The following AAR2 variants were observed in gnomAD, a reference collection of about 807,000 sequenced individuals.
The protein encoded by AAR2 is AAR2 splicing factor, also known as protein AAR2 homolog.
Under a neutral mutation model 26.9 loss-of-function variants are expected in AAR2, and 31 were observed. That is an observed-to-expected ratio of 1.15 (90% CI 0.86 to 1.55). The LOEUF (loss-of-function observed/expected upper bound fraction) is 1.55, where lower values mean the gene tolerates loss of function less well. Among genes scored for constraint, AAR2 ranks in the 40% most tolerant of loss-of-function variants. The probability of loss-of-function intolerance (pLI) is 0.00; values close to 1 mark genes in which losing one functional copy is unlikely to be tolerated. For missense variants in AAR2, 430 were observed against 491.3 expected, an observed-to-expected ratio of 0.88 and a Z score of 1.18; for synonymous variants, 188 against 196.1, an observed-to-expected ratio of 0.96 and a Z score of 0.34.
chr20:36,253,364 C>T (rs1253572987), intron 3 of AAR2, among the ~76,000 whole-genome samples: 1 of 152,120 alleles, frequency 6.6e-6, no homozygotes, highest in African/African-American at 2.4e-5. Context: ...TCTGGGTGGG[C>T]CTGTAGGGTA....
rs2064668778 is a variant in AAR2, at chr20:36,240,483, G to A, written c.615G>A (p.Glu205=). 8.1e-6 allele frequency: 13 copies of A among 1,614,192 alleles called. No individual in the cohort carries two copies. The South Asian group carries it at 1.4e-4, about 18-fold the overall frequency. ...AGATGAAGCCCAGAGCCGGGACAGA[G>A]ATCCGCTTCTCAGAGCTGCCCACGC... The part of the protein sequence containing the change: ...LPEMKPRAGT[E]IRFSELPTQM... The change falls in exon 2 of 4, where the codon GAG becomes GAA. Residue 205 remains glutamate, a synonymous_variant. Transcript: ENST00000320849.
intron 1 of AAR2, among the ~76,000 whole-genome samples, chr20:36,238,036 G>A (rs1025448522): frequency 7.9e-5 from 12 of 151,762 alleles, no homozygotes; most frequent in Non-Finnish European, 1.2e-4. Flanking sequence ...CATCCGCCTC[G>A]GCCTCCCAAA....
chr20:36,255,494 C>G (rs146596081), intron 3 of AAR2, 84 bp from the exon 4 acceptor site: 1 of 1,513,360 alleles, frequency 6.6e-7, no homozygotes, highest in East Asian at 2.3e-5. Flanking sequence ...CCAGAAGAGC[C>G]GAACACCATG....
At chr20:36,251,395 G>C (rs1011807759) in intron 3 of AAR2, among the ~76,000 whole-genome samples, 2 of 152,002 alleles carry the variant, frequency 1.3e-5, no homozygotes, top group African/African-American at 2.4e-5. Context: ...AAAATTAATT[G>C]TGTGTAAGTT....
chr20:36,248,129 A>T (rs916808805), intron 3 of AAR2, among the ~76,000 whole-genome samples: 1 of 152,062 alleles, frequency 6.6e-6, no homozygotes, highest in Non-Finnish European at 1.5e-5. Context: ...CTCTCTGTCA[A>T]GCCATCCCTC....
intron 3 of AAR2, among the ~76,000 whole-genome samples, chr20:36,251,905 C>T (rs1438310627): frequency 6.6e-6 from 1 of 152,200 alleles, no homozygotes; most frequent in Non-Finnish European, 1.5e-5. Flanking sequence ...TGGCCATTGC[C>T]AAGTGCAGGG....
At chr20:36,239,278 G>A (rs1339921718) in intron 1 of AAR2, among the ~76,000 whole-genome samples, 1 of 152,206 alleles carries the variant, frequency 6.6e-6, no homozygotes, top group Non-Finnish European at 1.5e-5. Flanking sequence ...TTTAGATGCT[G>A]AGCCTCCACT....
chr20:36,255,674 G>C lies in AAR2; in HGVS notation c.1084G>C (p.Asp362His). The C allele has an allele frequency of 6.2e-7, 1 of 1,614,186 alleles. No homozygotes were observed. The highest frequency in any genetic ancestry group is 1.7e-5 in the Admixed American group (1 of 60,026). The change falls in exon 4 of 4, where the codon GAC becomes CAC. Residue 362 changes from aspartate to histidine, a missense_variant. Physicochemically the swap from Asp to His is moderately conservative, Grantham distance 81. Transcript: ENST00000320849. ...QAHLTKKFRWDFAAEPEDCAP... is the reference protein window; with the variant it reads ...QAHLTKKFRWHFAAEPEDCAP... ...TCACCTGACCAAGAAGTTCCGGTGG[G>C]ACTTTGCTGCGGAACCTGAGGACTG...
At chr20:36,254,461 G>A (rs764299216) in intron 3 of AAR2, among the ~76,000 whole-genome samples, 29 of 149,054 alleles carry the variant, frequency 1.9e-4, no homozygotes, top group Admixed American at 4.0e-4. Flanking sequence ...AGGGGGATAG[G>A]GTAGTCGAAT....
chr20:36,237,927 C>T (rs1006200735), intron 1 of AAR2, among the ~76,000 whole-genome samples: 9 of 151,778 alleles, frequency 5.9e-5, no homozygotes, highest in East Asian at 5.8e-4. Context: ...GGACTACTGG[C>T]GCACACCACC....
At chr20:36,252,229 T>C (rs77451048) in intron 3 of AAR2, among the ~76,000 whole-genome samples, 3,601 of 152,284 alleles carry the variant, frequency 0.024, 172 homozygotes, top group African/African-American at 0.082. Flanking sequence ...AGCATCACCA[T>C]ATCACTATTG....
intron 3 of AAR2, among the ~76,000 whole-genome samples, chr20:36,250,467 G>A (rs199679859): frequency 3.3e-5 from 5 of 152,164 alleles, no homozygotes; most frequent in South Asian, 2.1e-4. Context: ...TGAAGAAGGC[G>A]TAAAATTAAT....
chr20:36,252,555 G>T (rs1034991055), intron 3 of AAR2, among the ~76,000 whole-genome samples: 1 of 152,172 alleles, frequency 6.6e-6, no homozygotes, highest in African/African-American at 2.4e-5. Flanking sequence ...AGCTGAGCCT[G>T]AGTCTTTAGG....
At chr20:36,245,824 C>G (rs926940413) in intron 3 of AAR2, among the ~76,000 whole-genome samples, 3 of 152,072 alleles carry the variant, frequency 2.0e-5, no homozygotes, top group African/African-American at 7.2e-5. Flanking sequence ...AATTAAAGAC[C>G]AGCTTGGGCA....
chr20:36,241,769 G>T (rs2147288093), intron 2 of AAR2, among the ~76,000 whole-genome samples: 1 of 152,256 alleles, frequency 6.6e-6, no homozygotes, highest in Admixed American at 6.5e-5. Flanking sequence ...GGCAACAAGA[G>T]CCGTCTCAAA....
At chr20:36,240,680 G>C in intron 2 of AAR2, 55 bp downstream of exon 2, 1 of 1,562,106 alleles carries the variant, frequency 6.4e-7, no homozygotes, top group South Asian at 1.2e-5. Context: ...ATTAGCAGAG[G>C]TGTTTTGGAA....
rs746800707 is a variant in AAR2, at chr20:36,240,388, G to T, written c.520G>T (p.Val174Leu). Reference protein sequence around the residue: ...VLSMKHTKDRVGQNLPRCGIE... With the variant: ...VLSMKHTKDRLGQNLPRCGIE... The stretch of plus-strand genomic sequence containing the variant: ...CTCCATGAAGCACACCAAGGACCGC[G>T]TGGGGCAGAATCTACCCCGCTGTGG... The change falls in exon 2 of 4, where the codon GTG (valine) becomes TTG (leucine). Residue 174 changes from valine (V) to leucine (L), a missense_variant. Val to Leu is a conservative substitution (Grantham distance 32). Transcript: ENST00000320849. 1 of 1,614,244 alleles carries T rather than the reference G, an allele frequency of 6.2e-7. No individual in the cohort carries two copies.
rs746330099 is a variant in AAR2, at chr20:36,239,975, A to G, written c.107A>G (p.Tyr36Cys). The G allele has an allele frequency of 4.3e-6, 7 of 1,614,114 alleles. No individual in the cohort carries two copies. Among genetic ancestry groups the G allele is most frequent in the Non-Finnish European group, 5.9e-6 (7 of 1,180,042 alleles). The change falls in exon 2 of 4, where the codon TAT (tyrosine) becomes TGT (cysteine). Residue 36 changes from tyrosine to cysteine, a missense_variant. Tyr to Cys is a radical substitution (Grantham distance 194). Coordinates refer to ENST00000320849, the MANE Select transcript of AAR2 (RefSeq NM_001271874.2). Reference sequence around the variant, plus strand: ...AAGGGAACAGAGTTTGGGATTGACTATAACTCCTGGGAGGTCGGGCCCAAG... The same window carrying G: ...AAGGGAACAGAGTTTGGGATTGACTGTAACTCCTGGGAGGTCGGGCCCAAG... ...MPKGTEFGID[Y>C]NSWEVGPKFR...
intron 3 of AAR2, among the ~76,000 whole-genome samples, chr20:36,255,321 A>C (rs1386364254): frequency 6.6e-6 from 1 of 152,208 alleles, no homozygotes; most frequent in African/African-American, 2.4e-5. Context: ...AGAACCCCCC[A>C]GGGGGTGGAG....
Sources: allele counts gnomAD v4.1 joint callset (sites outside exome capture counted in the v4.1 genomes callset), GRCh38; gene constraint gnomAD v4.1.1; transcripts MANE v1.5; gene names NCBI Gene and HGNC (gene_info 2026-07-23, HGNC 2026-07-21).